UGP2: variants seen among roughly 807,000 people sequenced by gnomAD.
The protein encoded by UGP2 is UTP--glucose-1-phosphate uridylyltransferase.
UGP2 carries 40 observed loss-of-function variants against 49.0 expected under a neutral mutation model. The ratio of observed to expected loss-of-function variants is 0.82; its 90% CI spans 0.63 to 1.06. The LOEUF (loss-of-function observed/expected upper bound fraction) is 1.06. Among genes scored for constraint, UGP2 ranks in the 50% least tolerant of loss-of-function variants. The probability of loss-of-function intolerance (pLI) is 0.00; values close to 1 mark genes in which losing one functional copy is unlikely to be tolerated. For synonymous variants in UGP2, 225 were observed against 213.0 expected (o/e 1.06, Z -0.49); for missense variants, 460 against 603.5 (o/e 0.76, Z 2.49).
At position 63,885,819 on chromosome 2, in the gene UGP2, A is replaced by G. The variant is rs760836817; in HGVS notation, c.806A>G (p.Asn269Ser). Residue 269 changes from asparagine (N) to serine (S), a missense_variant, in exon 6 of 10, where the codon AAC becomes AGC. Asn to Ser is a conservative substitution (Grantham distance 46). Around this residue, in one of 2 missense-constraint regions of UGP2, gnomAD observed 317 missense variants for 473.0 expected, o/e 0.67. Coordinates refer to ENST00000337130, the MANE Select transcript of UGP2 (RefSeq NM_006759.4). ...CTGTATATTCTTAATCATCTAATGA[A>G]CCCACCCAATGGAAAACGCTGTGAA... ...VDLYILNHLM[N>S]PPNGKRCEFV... 16 of 1,609,006 alleles carry G rather than the reference A, an allele frequency of 9.9e-6. No homozygotes were observed. The highest frequency in any genetic ancestry group is 1.4e-5 in the Non-Finnish European group (16 of 1,178,176).
chr2:63,880,572 C>T (rs954948129), intron 3 of UGP2, among the ~76,000 whole-genome samples: 2 of 152,134 alleles, frequency 1.3e-5, no homozygotes, highest in Non-Finnish European at 2.9e-5. Context: ...ATTTTTCTAG[C>T]AGTGTGACAT....
chr2:63,860,265 T>G (rs1236613484), intron 3 of UGP2, among the ~76,000 whole-genome samples: 1 of 152,242 alleles, frequency 6.6e-6, no homozygotes, highest in Non-Finnish European at 1.5e-5. Context: ...GTCATACCAG[T>G]GGATCTATAT....
In UGP2 at chr2:63,841,926, C is replaced by G. The variant is rs951626404; in HGVS notation, c.-260C>G. The G allele has an allele frequency of 2.4e-6, 1 of 421,270 alleles. No individual in the cohort carries two copies. The highest frequency in any genetic ancestry group is 2.0e-5 in the African/African-American group (1 of 49,112). The allele number at this position is 421,270 out of a possible 1,614,324, so 26.1% of individuals were successfully genotyped here. The stretch of plus-strand genomic sequence containing the variant: ...TCTCCAGCTGGCCCTCATTTGTGTC[C>G]GGAGCTCAGGAGTTCCCAAACCGAC... On this transcript the variant is annotated 5_prime_UTR_variant, in exon 1 of 10. Transcript: ENST00000337130.
In UGP2 at chr2:63,842,216, T is replaced by C. The variant is rs965983059; in HGVS notation, c.19+12T>C. On this transcript the variant is annotated intron_variant, in intron 1 of 9. Transcript: ENST00000337130. ...GAGATTTGTACAAGGTAAGAAATGCTGCTGCTTATATCCCGAGTTGCTTCA... is the reference window on the plus strand; with the variant it reads ...GAGATTTGTACAAGGTAAGAAATGCCGCTGCTTATATCCCGAGTTGCTTCA... The C allele has an allele frequency of 6.2e-7, 1 of 1,608,776 alleles. No individual in the cohort carries two copies. The highest frequency in any genetic ancestry group is 8.5e-7 in the Non-Finnish European group (1 of 1,178,678).
At chr2:63,890,843 A>C (rs1672086845) in intron 9 of UGP2, among the ~76,000 whole-genome samples, 1 of 147,766 alleles carries the variant, frequency 6.8e-6, no homozygotes, top group African/African-American at 2.5e-5. Flanking sequence ...GTAGGCCTCC[A>C]AAAGGGGCTG....
chr2:63,845,583 G>A (rs937829548), intron 1 of UGP2, among the ~76,000 whole-genome samples: 1 of 151,260 alleles, frequency 6.6e-6, no homozygotes, highest in Admixed American at 6.6e-5. Context: ...GAATTTGGTT[G>A]TAGTTTTTAT....
At chr2:63,880,549 G>T (rs1030554407) in intron 3 of UGP2, among the ~76,000 whole-genome samples, 1 of 152,078 alleles carries the variant, frequency 6.6e-6, no homozygotes, top group East Asian at 1.9e-4. Flanking sequence ...AGATTCTACT[G>T]TCATCTACTC....
intron 3 of UGP2, among the ~76,000 whole-genome samples, chr2:63,866,393 G>T (rs1479205374): frequency 6.6e-6 from 1 of 152,168 alleles, no homozygotes; most frequent in African/African-American, 2.4e-5. Flanking sequence ...CTGACTACTT[G>T]TTCAGATGTT....
At chr2:63,846,899 T>G (rs992940242) in intron 1 of UGP2, among the ~76,000 whole-genome samples, 6 of 152,364 alleles carry the variant, frequency 3.9e-5, no homozygotes, top group Admixed American at 6.5e-5. Flanking sequence ...TTAAGATTTA[T>G]TATATTATTT....
At chr2:63,858,195 A>G (rs1445764031) in intron 3 of UGP2, among the ~76,000 whole-genome samples, 1 of 152,166 alleles carries the variant, frequency 6.6e-6, no homozygotes, top group Non-Finnish European at 1.5e-5. Context: ...TGGATATGAA[A>G]TGACTTTTGC....
chr2:63,866,454 A>G (rs930883271), intron 3 of UGP2, among the ~76,000 whole-genome samples: 1 of 152,230 alleles, frequency 6.6e-6, no homozygotes, highest in African/African-American at 2.4e-5. Context: ...GTGTAGCAGG[A>G]GAAGGAGCAG....
chr2:63,888,126 G>A (rs898089228), intron 8 of UGP2: 2 of 154,618 alleles, frequency 1.3e-5, no homozygotes, highest in Non-Finnish European at 2.9e-5. Flanking sequence ...ACAAAGCAAG[G>A]GTGGAGAATA....
Position 63,842,131 on chromosome 2 carries a change from G to T in UGP2, c.-55G>T. ...GAGGAAGAGAGACCTGCCCTGTAGCGTGACTCCTCTAGAAAAAAAAAAAAA... is the reference window on the plus strand; with the variant it reads ...GAGGAAGAGAGACCTGCCCTGTAGCTTGACTCCTCTAGAAAAAAAAAAAAA... On this transcript the variant is annotated 5_prime_UTR_variant, in exon 1 of 10. Transcript: ENST00000337130. 6.4e-7 allele frequency: 1 copy of T among 1,560,664 alleles called. No individual in the cohort carries two copies.
chr2:63,846,487 T>C (rs902279616), intron 1 of UGP2, among the ~76,000 whole-genome samples: 1 of 152,226 alleles, frequency 6.6e-6, no homozygotes, highest in Non-Finnish European at 1.5e-5. Context: ...ATCTAAATTA[T>C]GTAAAAATGT....
chr2:63,861,523 A>AT (rs1669843749), intron 3 of UGP2, among the ~76,000 whole-genome samples: 1 of 146,180 alleles, frequency 6.8e-6, no homozygotes, highest in African/African-American at 2.4e-5. Flanking sequence ...CACCTCTACA[A>AT]ATTTTTTTTT....
intron 1 of UGP2, among the ~76,000 whole-genome samples, chr2:63,853,587 G>C (rs1669181424): frequency 6.6e-6 from 1 of 152,036 alleles, no homozygotes; most frequent in African/African-American, 2.4e-5. Flanking sequence ...TGTTGCTCTT[G>C]GTGCCTTCCC....
intron 8 of UGP2, chr2:63,889,818 A>T (rs1248525813): frequency 3.0e-5 from 5 of 164,160 alleles, no homozygotes; most frequent in East Asian, 1.2e-4. Flanking sequence ...GATTATCTTT[A>T]AAAAAAAAAA....
At chr2:63,885,499 A>C (rs1233571826) in intron 5 of UGP2, 90 bp from the exon 6 acceptor site, 1 of 1,081,720 alleles carries the variant, frequency 9.2e-7, no homozygotes, top group African/African-American at 1.7e-5. Context: ...AAGAAGTGAA[A>C]TTTTATTTAA....
Position 63,884,178 on chromosome 2 carries a change from A to G in UGP2, c.575+85A>G, listed in dbSNP as rs1019625224. ...TTGTTTATAACAGAGCAGTTTCAAG[A>G]TGTACAGGTACCAAATATTGATGTT... On this transcript the variant is annotated intron_variant, in intron 5 of 9. Transcript: ENST00000337130. The G allele has an allele frequency of 1.1e-5, 16 of 1,494,526 alleles. No individual in the cohort carries two copies. In the East Asian group the frequency reaches 3.5e-4, roughly 32 times the overall value. 92.6% of individuals were successfully genotyped at this position (1,494,526 alleles called of 1,614,324 possible).
Sources: gnomAD v4.1 joint callset for allele counts (sites outside exome capture counted in the v4.1 genomes callset) on GRCh38, gnomAD v4.1.1 for gene constraint, gnomAD v4.1.1 regional missense constraint, MANE v1.5 for transcripts, NCBI Gene and HGNC (gene_info 2026-07-23, HGNC 2026-07-21) for gene names.